The following C10orf88 variants were observed in gnomAD, a reference collection of about 807,000 sequenced individuals.
The protein encoded by C10orf88 is chromosome 10 open reading frame 88.
In C10orf88, 29 loss-of-function variants were observed where a neutral mutation model predicts 34.2. That is an observed-to-expected ratio of 0.85 (90% CI 0.63 to 1.16). The LOEUF (loss-of-function observed/expected upper bound fraction) is 1.16, where lower values mean the gene tolerates loss of function less well. Among genes scored for constraint, C10orf88 ranks in the 50% most tolerant of loss-of-function variants. The pLI is 0.00. For synonymous variants in C10orf88, 194 were observed against 197.4 expected (o/e 0.98, Z 0.15); for missense variants, 507 against 533.2 (o/e 0.95, Z 0.48).
intron 5 of C10orf88, among the ~76,000 whole-genome samples, chr10:122,932,867 T>C (rs1848497477): frequency 6.6e-6 from 1 of 152,168 alleles, no homozygotes; most frequent in Non-Finnish European, 1.5e-5. Context: ...TCTTTTTTAG[T>C]ATACAATTGA....
intron 5 of C10orf88, among the ~76,000 whole-genome samples, chr10:122,936,842 T>C (rs1193086976): frequency 6.6e-6 from 1 of 152,004 alleles, no homozygotes; most frequent in Non-Finnish European, 1.5e-5. Context: ...AAACACACAT[T>C]GTATTATTTC....
In C10orf88 at chr10:122,953,034, T is replaced by C; in HGVS notation, c.165-2A>G. Reference sequence around the variant, plus strand: ...CTCTTCAAAATCACCAGATCCTGACTGAGAAGAAAATTGGTGAAAACATCA... The same window carrying C: ...CTCTTCAAAATCACCAGATCCTGACCGAGAAGAAAATTGGTGAAAACATCA... On this transcript the variant is annotated splice_acceptor_variant, in intron 1 of 5. Coordinates refer to ENST00000481909, the MANE Select transcript of C10orf88 (RefSeq NM_024942.4). LOFTEE classifies it high-confidence loss of function. 1 of 1,605,544 alleles carries C rather than the reference T, an allele frequency of 6.2e-7. No homozygotes were observed. Among genetic ancestry groups the C allele is most frequent in the Non-Finnish European group, 8.5e-7 (1 of 1,172,430 alleles).
chr10:122,935,836 T>A (rs1299803967), intron 5 of C10orf88, among the ~76,000 whole-genome samples: 1 of 151,740 alleles, frequency 6.6e-6, no homozygotes, highest in African/African-American at 2.4e-5. Flanking sequence ...TATCCTTATA[T>A]ATTTTGTTAG....
rs185098367 is a variant in C10orf88 at position 122,931,021 on chromosome 10, T to A, written c.*1406A>T. The A allele has an allele frequency of 6.6e-6, 1 of 152,292 alleles. No homozygotes were observed. The highest frequency in any genetic ancestry group is 2.4e-5 in the African/African-American group (1 of 41,566). The allele number at this position is 152,292 out of a possible 1,614,324, so 9.4% of individuals were successfully genotyped here. A position where few individuals can be genotyped will look rare whatever the true frequency, so the allele number is the denominator to read the frequency against. On this transcript the variant is annotated 3_prime_UTR_variant, in exon 6 of 6. Coordinates refer to ENST00000481909, the MANE Select transcript of C10orf88 (RefSeq NM_024942.4). ...GGGGGTTAAAATATAATTTTTCTAA[T>A]AAAGGTGTTTCACATTCAAGCAAAG...
chr10:122,931,153 G>A lies in C10orf88; in HGVS notation c.*1274C>T, dbSNP rs1312869090. On this transcript the variant is annotated 3_prime_UTR_variant, in exon 6 of 6. Transcript: ENST00000481909. ...GGCTTCTTCTGGTCACTGTCATGGCGATTGTCAACTGTCATGGAGCTAGCA... is the reference window on the plus strand; with the variant it reads ...GGCTTCTTCTGGTCACTGTCATGGCAATTGTCAACTGTCATGGAGCTAGCA... 1 of 152,084 alleles carries A rather than the reference G, an allele frequency of 6.6e-6. No homozygotes were observed. Among genetic ancestry groups the A allele is most frequent in the East Asian group, 1.9e-4 (1 of 5,190 alleles). The allele number at this position is 152,084 out of a possible 1,614,324, so 9.4% of individuals were successfully genotyped here. A position where few individuals can be genotyped will look rare whatever the true frequency, so the allele number is the denominator to read the frequency against.
rs184528624 is a variant in C10orf88, at chr10:122,949,953, A to G, written c.442-1098T>C. Among the ~76,000 whole-genome samples the G allele has an allele frequency of 5.1e-4, 78 of 152,348 alleles. 1 individual carries two copies. Among genetic ancestry groups the G allele is most frequent in the Non-Finnish European group, 7.8e-4 (53 of 68,030 alleles). ...GGTGATTTTTCTAACTTGTTAAAGG[A>G]CACTCAATTAGTAAAGAACCAGCTT... On this transcript the variant is annotated intron_variant, in intron 3 of 5. Transcript: ENST00000481909.
rs746783783 is a variant in C10orf88 at position 122,952,997 on chromosome 10, T to C, written c.200A>G (p.Asn67Ser). Residue 67 changes from asparagine to serine, a missense_variant, in exon 2 of 6, where the codon AAC (asparagine) becomes AGC (serine). Transcript: ENST00000481909. The part of the protein sequence containing the change: ...DLVILKRNHN[N>S]KDENPCFLYL... Reference sequence around the variant, plus strand: ...AAGGAAGCAGGGGTTTTCATCTTTGTTGTTGTGGTTTCTCTTCAAAATCAC... The same window carrying C: ...AAGGAAGCAGGGGTTTTCATCTTTGCTGTTGTGGTTTCTCTTCAAAATCAC... 1 of 1,614,070 alleles carries C rather than the reference T, an allele frequency of 6.2e-7. No individual in the cohort carries two copies. Among genetic ancestry groups the C allele is most frequent in the African/African-American group, 1.3e-5 (1 of 74,940 alleles).
chr10:122,936,238 T>G lies in C10orf88; in HGVS notation c.1103+1467A>C, dbSNP rs570974132. On this transcript the variant is annotated intron_variant, in intron 5 of 5. Coordinates refer to ENST00000481909, the MANE Select transcript of C10orf88 (RefSeq NM_024942.4). ...CATTTCTCCTAAGTTGTCAAATTTA[T>G]GAGCATAAATTTGTTTGTAATATTC... 4.6e-5 allele frequency among the ~76,000 whole-genome samples: 7 copies of G among 152,110 alleles called. No individual in the cohort carries two copies. The East Asian group carries it at 1.3e-3, about 29-fold the overall frequency.
chr10:122,954,197 G>GCCAGC lies in C10orf88; in HGVS notation c.-24_-20dup. The GCCAGC allele has an allele frequency of 5.2e-6, 8 of 1,535,510 alleles. No homozygotes were observed. The highest frequency in any genetic ancestry group is 7.0e-6 in the Non-Finnish European group (8 of 1,150,272). ...TCTCCATTCCGCCGCCTTCAGTCAG[G>GCCAGC]CCAGCCCAGCCCCGGAACCTCTCTT... On this transcript the variant is annotated 5_prime_UTR_variant, in exon 1 of 6. Transcript: ENST00000481909.
chr10:122,932,233 G>A lies in C10orf88; in HGVS notation c.*194C>T, dbSNP rs138257637. ...TATCGTGAGCAAAAATAATTTGACT[G>A]TATCATATTAACTCAGTGTACAGTA... On this transcript the variant is annotated 3_prime_UTR_variant, in exon 6 of 6. Coordinates refer to ENST00000481909, the MANE Select transcript of C10orf88 (RefSeq NM_024942.4). 11 of 447,496 alleles carry A rather than the reference G, an allele frequency of 2.5e-5. No homozygotes were observed. Among genetic ancestry groups the A allele is most frequent in the African/African-American group, 4.1e-5 (2 of 48,304 alleles). The allele number at this position is 447,496 out of a possible 1,614,324, so 27.7% of individuals were successfully genotyped here.
intron 5 of C10orf88, 51 bp downstream of exon 5, chr10:122,937,654 G>T: frequency 1.4e-6 from 2 of 1,437,266 alleles, no homozygotes; most frequent in Non-Finnish European, 9.4e-7. Context: ...CCTTTCATCT[G>T]ATTCTTCCAC....
intron 3 of C10orf88, among the ~76,000 whole-genome samples, chr10:122,949,179 G>A (rs902181088): frequency 1.3e-5 from 2 of 152,154 alleles, no homozygotes; most frequent in African/African-American, 4.8e-5. Context: ...TGGAGAATGT[G>A]TTCTAAGACC....
chr10:122,937,446 C>T (rs1848543491), intron 5 of C10orf88, among the ~76,000 whole-genome samples: 1 of 151,994 alleles, frequency 6.6e-6, no homozygotes, highest in African/African-American at 2.4e-5. Flanking sequence ...TCTATTCCAA[C>T]TGTGAACTAA....
At chr10:122,943,915 A>G (rs1390944124) in intron 4 of C10orf88, among the ~76,000 whole-genome samples, 1 of 152,122 alleles carries the variant, frequency 6.6e-6, no homozygotes, top group Non-Finnish European at 1.5e-5. Context: ...GAACACTTTT[A>G]CACTGTTGGT....
In C10orf88 at chr10:122,938,182, T is replaced by C. The variant is rs1195292231; in HGVS notation, c.649-23A>G. 8.5e-6 allele frequency: 13 copies of C among 1,537,992 alleles called. No homozygotes were observed. The South Asian group carries it at 1.6e-4, about 19-fold the overall frequency. On this transcript the variant is annotated intron_variant, in intron 4 of 5. Coordinates refer to ENST00000481909, the MANE Select transcript of C10orf88 (RefSeq NM_024942.4). ...ATTCTAAACAAGGTAAACAAGTAAA[T>C]GTTAATATTAATAACACTGACAGCT...
intron 4 of C10orf88, among the ~76,000 whole-genome samples, chr10:122,938,772 T>C (rs1313336228): frequency 6.6e-6 from 1 of 152,036 alleles, no homozygotes; most frequent in Non-Finnish European, 1.5e-5. Context: ...ATTTCCAGGA[T>C]AATGAGAGTT....
In C10orf88 at chr10:122,931,288, G is replaced by A. The variant is rs558890173; in HGVS notation, c.*1139C>T. 1.3e-5 allele frequency: 2 copies of A among 152,252 alleles called. No individual in the cohort carries two copies. Among genetic ancestry groups the A allele is most frequent in the East Asian group, 3.9e-4 (2 of 5,184 alleles). 9.4% of individuals were successfully genotyped at this position (152,252 alleles called of 1,614,324 possible). On this transcript the variant is annotated 3_prime_UTR_variant, in exon 6 of 6. Transcript: ENST00000481909. ...AGTCTCCTCTGGACTGGTTACAAAA[G>A]GAACTTTTCATCACAGGCATCCTGT...
In C10orf88 at chr10:122,932,271, TAAC is replaced by T. The variant is rs1169923178; in HGVS notation, c.*153_*155del. ...TCAGTGTACAGTACTGGATTTAAAA[TAAC>T]AAGTGTAGTAAAAACGAAAACTGAG... On this transcript the variant is annotated 3_prime_UTR_variant, in exon 6 of 6. Transcript: ENST00000481909. 1.7e-6 allele frequency: 1 copy of T among 587,952 alleles called. No homozygotes were observed. The highest frequency in any genetic ancestry group is 3.0e-6 in the Non-Finnish European group (1 of 335,976). The allele number at this position is 587,952 out of a possible 1,614,324, so 36.4% of individuals were successfully genotyped here. A position where few individuals can be genotyped will look rare whatever the true frequency, so the allele number is the denominator to read the frequency against.
At chr10:122,938,602 C>T (rs914165437) in intron 4 of C10orf88, among the ~76,000 whole-genome samples, 6 of 151,918 alleles carry the variant, frequency 3.9e-5, no homozygotes, top group Admixed American at 1.3e-4. Context: ...TGTCAAAATA[C>T]GGTAAGTTAC....
Sources: gnomAD v4.1 joint callset for allele counts (sites outside exome capture counted in the v4.1 genomes callset) on GRCh38, gnomAD v4.1.1 for gene constraint, MANE v1.5 for transcripts, NCBI Gene and HGNC (gene_info 2026-07-23, HGNC 2026-07-21) for gene names.